The following AFF2 variants were observed in gnomAD, a reference collection of about 807,000 sequenced individuals.
AFF2 encodes the protein AF4/FMR2 family member 2.
Under a neutral mutation model 76.9 loss-of-function variants are expected in AFF2, and 14 were observed. That is an observed-to-expected ratio of 0.18 (90% CI 0.12 to 0.28). The LOEUF (loss-of-function observed/expected upper bound fraction) is 0.28, where lower values mean the gene tolerates loss of function less well. Among genes scored for constraint, AFF2 ranks in the 10% least tolerant of loss-of-function variants. AFF2 has a pLI of 1.00. For missense variants in AFF2, 868 were observed against 1,001.1 expected (o/e 0.87, Z 1.79); for synonymous variants, 398 against 366.7 (o/e 1.09, Z -0.98).
intron 1 of AFF2, among the ~76,000 whole-genome samples, chrX:148,628,780 A>G (rs973723257): frequency 1.8e-5 from 2 of 112,156 alleles, no homozygotes; most frequent in Non-Finnish European, 1.9e-5. Context: ...CCAGATTGAT[A>G]TAACAGCTGC....
chrX:148,736,609 C>G (rs2055287993), intron 3 of AFF2, among the ~76,000 whole-genome samples: 1 of 111,597 alleles, frequency 9.0e-6, no homozygotes, highest in South Asian at 3.7e-4. Flanking sequence ...TGCAAAAGCT[C>G]TCTAGTTTAA....
rs781869744 is a variant in AFF2 at position 148,662,044 on chromosome X, C to T, written c.317C>T (p.Pro106Leu). 5 of 1,208,991 alleles carry T rather than the reference C, an allele frequency of 4.1e-6. No homozygotes were observed. The South Asian group carries it at 7.0e-5, about 17-fold the overall frequency. Residue 106 changes from proline to leucine, a missense_variant, in exon 3 of 21, where the codon CCC becomes CTC. Coordinates refer to ENST00000370460, the MANE Select transcript of AFF2 (RefSeq NM_002025.4). ...GIPKNSVPQN[P>L]NNKNEPSFFP... is the part of the protein sequence containing the mutation. ...CCAAAGAATTCTGTGCCCCAGAATC[C>T]CAACAACAAAAATGAACCAAGCTTT...
At chrX:148,823,983 G>C (rs2070356931) in intron 4 of AFF2, among the ~76,000 whole-genome samples, 2 of 110,792 alleles carry the variant, frequency 1.8e-5, no homozygotes, top group Non-Finnish European at 3.8e-5. Context: ...AAATAAGAGG[G>C]TACATCAGAC....
At position 148,667,827 on chromosome X, in the gene AFF2, T is replaced by A. The variant is rs527937731; in HGVS notation, c.1041+5059T>A. 1.0e-3 allele frequency among the ~76,000 whole-genome samples: 115 copies of A among 111,609 alleles called. 5 individuals carry two copies. In the South Asian group the frequency reaches 0.041, roughly 40 times the overall value. ...TGGGTGGGGACACAGCCAAACCATA[T>A]TAATCCACCCCCAGCCCCTCCCAAA... On this transcript the variant is annotated intron_variant, in intron 3 of 20. Coordinates refer to ENST00000370460, the MANE Select transcript of AFF2 (RefSeq NM_002025.4).
At chrX:148,910,008 A>G (rs2071451385) in intron 9 of AFF2, among the ~76,000 whole-genome samples, 1 of 112,849 alleles carries the variant, frequency 8.9e-6, no homozygotes, top group Non-Finnish European at 1.9e-5. Flanking sequence ...CCATGCACTA[A>G]TAAGTTGAGT....
intron 1 of AFF2, among the ~76,000 whole-genome samples, chrX:148,633,374 G>A (rs868979532): frequency 1.8e-5 from 2 of 111,782 alleles, no homozygotes; most frequent in Non-Finnish European, 3.8e-5. Flanking sequence ...ACTACATGCA[G>A]CCTCTTCTAC....
intron 6 of AFF2, 70 bp from the exon 7 acceptor site, chrX:148,843,312 C>A: frequency 2.1e-6 from 2 of 936,444 alleles, no homozygotes; most frequent in South Asian, 4.6e-5. Context: ...GTTTGGAGAT[C>A]AATTTAATTC....
At chrX:148,700,627 A>G (rs1490936962) in intron 3 of AFF2, among the ~76,000 whole-genome samples, 2 of 110,886 alleles carry the variant, frequency 1.8e-5, no homozygotes, top group Middle Eastern at 4.6e-3. Flanking sequence ...GTGAAGAGGA[A>G]GTTAATAACA....
At chrX:148,938,386 C>G (rs1187905403) in intron 9 of AFF2, among the ~76,000 whole-genome samples, 1 of 112,050 alleles carries the variant, frequency 8.9e-6, no homozygotes. Context: ...TATTGTCTTG[C>G]GTGGCACATA....
intron 3 of AFF2, among the ~76,000 whole-genome samples, chrX:148,713,588 T>G (rs1253742372): frequency 9.0e-6 from 1 of 111,515 alleles, no homozygotes; most frequent in East Asian, 2.8e-4. Flanking sequence ...CATACAAAAT[T>G]TCTGAAAAAT....
chrX:148,701,338 CT>C (rs782478806), intron 3 of AFF2, among the ~76,000 whole-genome samples: 2 of 111,115 alleles, frequency 1.8e-5, no homozygotes, highest in African/African-American at 6.6e-5. Context: ...ATTTAAAGTG[CT>C]TTTTAAAAAT....
At chrX:148,535,721 T>C (rs1393980533) in intron 1 of AFF2, among the ~76,000 whole-genome samples, 1 of 112,167 alleles carries the variant, frequency 8.9e-6, no homozygotes, top group Admixed American at 9.4e-5. Context: ...ATAGCCTTAG[T>C]TACCCCAATC....
At chrX:148,648,559 G>A (rs782227163) in intron 1 of AFF2, among the ~76,000 whole-genome samples, 37 of 51,954 alleles carry the variant, frequency 7.1e-4, no homozygotes, top group Non-Finnish European at 1.1e-3. Context: ...GGAAAACTCC[G>A]TCAAAAAAAA....
chrX:148,863,542 A>G (rs782026604), intron 7 of AFF2, among the ~76,000 whole-genome samples: 6 of 112,068 alleles, frequency 5.4e-5, no homozygotes, highest in Non-Finnish European at 7.5e-5. Flanking sequence ...TCAGATTGAA[A>G]CATTATCCAG....
intron 1 of AFF2, among the ~76,000 whole-genome samples, chrX:148,635,823 G>A (rs1603264501): frequency 9.1e-6 from 1 of 109,893 alleles, no homozygotes; most frequent in Admixed American, 9.7e-5. Context: ...ATAATAGCCT[G>A]AGGATTCTAT....
Position 148,777,169 on chromosome X carries a change from A to T in AFF2, c.1042-32707A>T, listed in dbSNP as rs183689337. On this transcript the variant is annotated intron_variant, in intron 3 of 20. Transcript: ENST00000370460. ...TTTGTCAAAGTTCAGATGGTTGTAG[A>T]TGTGTGGTGTTATTTCTGAGGCCTC... is the stretch of plus-strand genomic sequence containing the variant. Among the ~76,000 whole-genome samples the T allele has an allele frequency of 2.8e-3, 312 of 111,110 alleles. 1 individual carries two copies. The highest frequency in any genetic ancestry group is 4.7e-3 in the Non-Finnish European group (251 of 52,935).
intron 3 of AFF2, among the ~76,000 whole-genome samples, chrX:148,753,204 C>A (rs1471484477): frequency 9.0e-6 from 1 of 111,650 alleles, no homozygotes; most frequent in East Asian, 2.8e-4. Flanking sequence ...GCATAATCTG[C>A]TTTTTTTCTG....
At chrX:148,681,552 G>A (rs781831675) in intron 3 of AFF2, among the ~76,000 whole-genome samples, 1 of 82,757 alleles carries the variant, frequency 1.2e-5, no homozygotes, top group East Asian at 3.1e-4. Flanking sequence ...GTGTGTGTGT[G>A]TGTGTGTGTG....
intron 4 of AFF2, among the ~76,000 whole-genome samples, chrX:148,834,156 A>G (rs1557273572): frequency 8.9e-6 from 1 of 112,475 alleles, no homozygotes; most frequent in Non-Finnish European, 1.9e-5. Context: ...TATTATTAGA[A>G]GTTATGTAGA....
Sources: gnomAD v4.1 joint callset for allele counts (sites outside exome capture counted in the v4.1 genomes callset) on GRCh38, gnomAD v4.1.1 for gene constraint, MANE v1.5 for transcripts, NCBI Gene and HGNC (gene_info 2026-07-23, HGNC 2026-07-21) for gene names.